Variants in NOL10 observed in about 807,000 individuals in gnomAD.
The protein encoded by NOL10 is nucleolar protein 10.
In NOL10, 58 loss-of-function variants were observed where a neutral mutation model predicts 103.5. The ratio of observed to expected loss-of-function variants is 0.56; its 90% CI spans 0.45 to 0.70. The LOEUF (loss-of-function observed/expected upper bound fraction) is 0.70. NOL10 is among the 30% of genes least tolerant of loss of function. The pLI is 0.00. For synonymous variants in NOL10, 287 were observed against 282.5 expected, an observed-to-expected ratio of 1.02 and a Z score of -0.16; for missense variants, 763 against 807.3, an observed-to-expected ratio of 0.95 and a Z score of 0.67.
intron 14 of NOL10, among the ~76,000 whole-genome samples, chr2:10,603,498 G>C (rs1048538227): frequency 9.2e-5 from 14 of 152,108 alleles, no homozygotes; most frequent in Admixed American, 7.2e-4. Flanking sequence ...TCAACAGTAA[G>C]TTGCCAAATT....
At chr2:10,605,767 G>A (rs932947903) in intron 14 of NOL10, among the ~76,000 whole-genome samples, 4 of 152,122 alleles carry the variant, frequency 2.6e-5, no homozygotes, top group Admixed American at 2.0e-4. Context: ...ACTTAAGAAG[G>A]CACTGCAGTA....
intron 12 of NOL10, among the ~76,000 whole-genome samples, chr2:10,647,587 A>T (rs1679170368): frequency 6.6e-6 from 1 of 152,220 alleles, no homozygotes; most frequent in Non-Finnish European, 1.5e-5. Context: ...TGCTGCGCAA[A>T]AACATATGGC....
intron 17 of NOL10, among the ~76,000 whole-genome samples, chr2:10,592,477 G>A (rs1307149631): frequency 6.6e-6 from 1 of 152,114 alleles, no homozygotes; most frequent in African/African-American, 2.4e-5. Flanking sequence ...GGAACGATGC[G>A]CCATGTCTCA....
chr2:10,574,334 GGGTTTA>G (rs70953312), intron 20 of NOL10, among the ~76,000 whole-genome samples: 37,446 of 151,842 alleles, frequency 0.25, 6,412 homozygotes, highest in African/African-American at 0.45. Context: ...ATGTTAATCA[GGGTTTA>G]GGTTTATTTA....
chr2:10,588,464 G>A (rs1421304061), intron 19 of NOL10, among the ~76,000 whole-genome samples: 5 of 152,086 alleles, frequency 3.3e-5, no homozygotes, highest in Admixed American at 2.0e-4. Context: ...CAATTTTCCT[G>A]AAAAAGACTT....
chr2:10,660,216 C>G (rs1680107833), intron 9 of NOL10, among the ~76,000 whole-genome samples: 1 of 152,192 alleles, frequency 6.6e-6, no homozygotes. Flanking sequence ...AACCTCGAAG[C>G]CTCATATGCA....
intron 13 of NOL10, among the ~76,000 whole-genome samples, chr2:10,636,399 A>G (rs1036558497): frequency 7.6e-6 from 1 of 131,820 alleles, no homozygotes; most frequent in Non-Finnish European, 1.6e-5. Flanking sequence ...AACATAGTGA[A>G]ACCCTGTCTC....
intron 19 of NOL10, among the ~76,000 whole-genome samples, chr2:10,581,190 GGCGTT>G (rs1218654950): frequency 2.6e-5 from 4 of 152,114 alleles, no homozygotes; most frequent in African/African-American, 9.7e-5. Flanking sequence ...CTTAATATCC[GGCGTT>G]GCTGGAGTGT....
chr2:10,606,267 C>G (rs1281895235), intron 14 of NOL10, among the ~76,000 whole-genome samples: 1 of 150,652 alleles, frequency 6.6e-6, no homozygotes, highest in African/African-American at 2.4e-5. Flanking sequence ...CTAATGGAAT[C>G]ATAATAGTAC....
intron 13 of NOL10, among the ~76,000 whole-genome samples, chr2:10,643,530 G>A (rs1678859232): frequency 2.0e-5 from 3 of 152,060 alleles, no homozygotes; most frequent in Admixed American, 1.3e-4. Flanking sequence ...GGGAAGGGTG[G>A]GAGCTTCTGG....
intron 19 of NOL10, among the ~76,000 whole-genome samples, chr2:10,578,295 C>T (rs547152301): frequency 1.2e-4 from 19 of 152,200 alleles, no homozygotes; most frequent in African/African-American, 4.6e-4. Context: ...CATCCCACAG[C>T]ATGAACAGCT....
At chr2:10,675,228 G>T (rs932018115) in intron 4 of NOL10, among the ~76,000 whole-genome samples, 1 of 151,858 alleles carries the variant, frequency 6.6e-6, no homozygotes, top group Non-Finnish European at 1.5e-5. Flanking sequence ...ATAAATAAAA[G>T]AAAGAAAAGA....
intron 1 of NOL10, among the ~76,000 whole-genome samples, chr2:10,689,105 T>C (rs564079567): frequency 4.7e-4 from 71 of 152,260 alleles, no homozygotes; most frequent in African/African-American, 1.7e-3. Flanking sequence ...GATCATCACG[T>C]ATAAGAAACA....
intron 19 of NOL10, among the ~76,000 whole-genome samples, chr2:10,587,204 C>CACATATATATATACATATATAT (rs1572240038): frequency 2.9e-5 from 1 of 34,408 alleles, no homozygotes; most frequent in Non-Finnish European, 4.8e-5. Context: ...CATATATATA[C>CACATATATATATACATATATAT]ACATATATAT....
intron 13 of NOL10, among the ~76,000 whole-genome samples, chr2:10,607,633 CA>C: frequency 6.6e-6 from 1 of 151,950 alleles, no homozygotes; most frequent in East Asian, 1.9e-4. Flanking sequence ...ATTCATGTAT[CA>C]CCTCCTTCCT....
intron 12 of NOL10, among the ~76,000 whole-genome samples, chr2:10,646,574 T>C (rs1050083780): frequency 1.3e-5 from 2 of 152,118 alleles, no homozygotes; most frequent in Non-Finnish European, 2.9e-5. Context: ...CCAAAGAGTA[T>C]GAGCAGCTTC....
At chr2:10,614,913 T>C (rs535490152) in intron 13 of NOL10, among the ~76,000 whole-genome samples, 3 of 152,236 alleles carry the variant, frequency 2.0e-5, no homozygotes, top group Non-Finnish European at 2.9e-5. Flanking sequence ...CAACTCTGCA[T>C]ATAAACTCAA....
At chr2:10,610,443 A>C (rs1676507551) in intron 13 of NOL10, among the ~76,000 whole-genome samples, 1 of 152,250 alleles carries the variant, frequency 6.6e-6, no homozygotes, top group African/African-American at 2.4e-5. Context: ...CATGGCCATT[A>C]AATTTTCTAG....
At chr2:10,632,124 G>A (rs1450664385) in intron 13 of NOL10, among the ~76,000 whole-genome samples, 4 of 152,126 alleles carry the variant, frequency 2.6e-5, no homozygotes, top group Admixed American at 2.6e-4. Context: ...CAGTAATCAG[G>A]TCACTCTCAC....
Sources: allele counts gnomAD v4.1 joint callset (sites outside exome capture counted in the v4.1 genomes callset), GRCh38; gene constraint gnomAD v4.1.1; transcripts MANE v1.5; gene names NCBI Gene and HGNC (gene_info 2026-07-23, HGNC 2026-07-21).